The following SNTG2 variants were observed in gnomAD, a reference collection of about 807,000 sequenced individuals.
SNTG2 encodes syntrophin gamma 2, also known as gamma-2-syntrophin.
Under a neutral mutation model 70.9 loss-of-function variants are expected in SNTG2, and 74 were observed. The observed-to-expected ratio is 1.04, with a 90% CI of 0.86 to 1.27. The LOEUF is 1.27. SNTG2 is among the 50% of genes most tolerant of loss of function. The pLI is 0.00. For synonymous variants in SNTG2, 278 were observed against 273.8 expected, an observed-to-expected ratio of 1.02 and a Z score of -0.15; for missense variants, 717 against 690.7, an observed-to-expected ratio of 1.04 and a Z score of -0.43.
chr2:1,168,572 CAT>C (rs1333500878), intron 7 of SNTG2, among the ~76,000 whole-genome samples: 1 of 152,246 alleles, frequency 6.6e-6, no homozygotes, highest in Admixed American at 6.5e-5. Flanking sequence ...TCATTAGACT[CAT>C]AGCATGACTT....
intron 1 of SNTG2, among the ~76,000 whole-genome samples, chr2:973,624 C>T (rs540044252): frequency 9.6e-4 from 145 of 151,514 alleles, no homozygotes; most frequent in Middle Eastern, 3.4e-3. Context: ...CTGCCTTTTT[C>T]TTTTTCTCCT....
chr2:1,028,302 A>C (rs1349426424), intron 1 of SNTG2, among the ~76,000 whole-genome samples: 20 of 149,708 alleles, frequency 1.3e-4, no homozygotes, highest in African/African-American at 4.4e-4. Context: ...GTAAAGAGAT[A>C]AGCAGGTGCA....
chr2:1,331,746 T>C (rs997158407), intron 16 of SNTG2, among the ~76,000 whole-genome samples: 1 of 152,168 alleles, frequency 6.6e-6, no homozygotes, highest in East Asian at 1.9e-4. Flanking sequence ...GGCTGTGAAG[T>C]CATCGTTTTC....
intron 11 of SNTG2, among the ~76,000 whole-genome samples, chr2:1,244,652 C>CAT (rs1268267185): frequency 7.8e-6 from 1 of 128,526 alleles, no homozygotes; most frequent in Non-Finnish European, 1.6e-5. Flanking sequence ...GCCAAGATTG[C>CAT]ACCACTGCAC....
At chr2:1,228,191 G>A (rs531468387) in intron 9 of SNTG2, among the ~76,000 whole-genome samples, 7 of 152,368 alleles carry the variant, frequency 4.6e-5, no homozygotes, top group South Asian at 2.1e-4. Flanking sequence ...CTGCACTTTC[G>A]AGCTGGCGGG....
chr2:1,092,558 A>G (rs1026593887), intron 2 of SNTG2, among the ~76,000 whole-genome samples: 2 of 152,232 alleles, frequency 1.3e-5, no homozygotes, highest in African/African-American at 4.8e-5. Flanking sequence ...AAATCTGAAC[A>G]TGAGTTTGCA....
intron 1 of SNTG2, among the ~76,000 whole-genome samples, chr2:980,646 T>G (rs1214080026): frequency 6.6e-6 from 1 of 152,096 alleles, no homozygotes; most frequent in East Asian, 1.9e-4. Context: ...ATCCAGTATG[T>G]GTAAGTATAT....
intron 16 of SNTG2, among the ~76,000 whole-genome samples, chr2:1,358,123 A>G (rs1660950567): frequency 6.6e-6 from 1 of 152,142 alleles, no homozygotes; most frequent in Admixed American, 6.5e-5. Flanking sequence ...CTCTACTTAC[A>G]AAGACTCTAA....
chr2:1,147,978 CT>C (rs1201810386), intron 6 of SNTG2, among the ~76,000 whole-genome samples: 1 of 152,210 alleles, frequency 6.6e-6, no homozygotes, highest in Non-Finnish European at 1.5e-5. Context: ...AAGAATTCAT[CT>C]GTTTTTGCAT....
intron 1 of SNTG2, among the ~76,000 whole-genome samples, chr2:1,033,313 C>A (rs1017658772): frequency 1.3e-5 from 2 of 152,172 alleles, no homozygotes; most frequent in African/African-American, 4.8e-5. Context: ...TGAGTCAGGT[C>A]AACAAAGACA....
intron 16 of SNTG2, among the ~76,000 whole-genome samples, chr2:1,356,076 A>T (rs1660839295): frequency 6.6e-6 from 1 of 152,204 alleles, no homozygotes; most frequent in African/African-American, 2.4e-5. Context: ...TTATTTATAC[A>T]TTTTGGACAT....
intron 6 of SNTG2, among the ~76,000 whole-genome samples, chr2:1,141,217 C>T (rs749942928): frequency 3.9e-5 from 6 of 152,124 alleles, no homozygotes; most frequent in Admixed American, 1.3e-4. Context: ...TTTCCTGTTA[C>T]GCCAGGTTTT....
At chr2:1,045,337 C>G (rs1661673188) in intron 1 of SNTG2, among the ~76,000 whole-genome samples, 1 of 151,720 alleles carries the variant, frequency 6.6e-6, no homozygotes, top group East Asian at 1.9e-4. Context: ...TAAAAAAAAA[C>G]TTTTGGTTTC....
chr2:1,234,604 A>G (rs1676483359), intron 9 of SNTG2, among the ~76,000 whole-genome samples: 3 of 152,232 alleles, frequency 2.0e-5, no homozygotes, highest in Admixed American at 1.3e-4. Context: ...AAGCTATGGC[A>G]TAAACGTGCC....
chr2:1,046,650 A>G (rs1018405995), intron 1 of SNTG2, among the ~76,000 whole-genome samples: 13 of 152,088 alleles, frequency 8.5e-5, no homozygotes, highest in African/African-American at 3.1e-4. Context: ...TTTTGGTTGT[A>G]ATTTATTTTT....
intron 7 of SNTG2, among the ~76,000 whole-genome samples, chr2:1,170,519 C>T (rs1001462031): frequency 4.6e-5 from 7 of 152,148 alleles, no homozygotes; most frequent in South Asian, 4.1e-4. Flanking sequence ...CCGTGGCATC[C>T]GACCTGGAAT....
In SNTG2 at chr2:1,274,783, A is replaced by C. The variant is rs562974454; in HGVS notation, c.1284+7212A>C. ...GGTAATGTGTGCCAAGGTAGATGGA[A>C]GGGGAATCGGCCTGGCTGCTGGGCC... On this transcript the variant is annotated intron_variant, in intron 14 of 16. Coordinates refer to ENST00000308624, the MANE Select transcript of SNTG2 (RefSeq NM_018968.4). 6.8e-4 allele frequency among the ~76,000 whole-genome samples: 103 copies of C among 152,340 alleles called. 1 individual carries two copies. Among genetic ancestry groups the C allele is most frequent in the African/African-American group, 2.5e-3 (102 of 41,580 alleles).
chr2:1,336,632 T>G (rs1049447959), intron 16 of SNTG2, among the ~76,000 whole-genome samples: 3 of 152,344 alleles, frequency 2.0e-5, no homozygotes, highest in African/African-American at 7.2e-5. Context: ...GAGTTGATTT[T>G]TTATATGGTG....
chr2:1,260,119 G>T (rs9712145), intron 13 of SNTG2, among the ~76,000 whole-genome samples: 32,327 of 152,204 alleles, frequency 0.21, 4,737 homozygotes, highest in African/African-American at 0.41. Flanking sequence ...TTAAGTGAAA[G>T]TTTAAATGTA....
Sources: gnomAD v4.1 joint callset for allele counts (sites outside exome capture counted in the v4.1 genomes callset) on GRCh38, gnomAD v4.1.1 for gene constraint, MANE v1.5 for transcripts, NCBI Gene and HGNC (gene_info 2026-07-23, HGNC 2026-07-21) for gene names.